Variants in NEDD4 observed in about 807,000 individuals in gnomAD.
NEDD4 encodes E3 ubiquitin-protein ligase NEDD4.
NEDD4 carries 99 observed loss-of-function variants against 144.9 expected under a neutral mutation model. That is an observed-to-expected ratio of 0.68 (90% CI 0.58 to 0.81). The LOEUF is 0.81. Ranked by LOEUF, NEDD4 falls within the 30% of genes least tolerant of loss-of-function variation. The pLI is 0.00. For missense variants in NEDD4, 985 were observed against 1,065.9 expected, an observed-to-expected ratio of 0.92 and a Z score of 1.06; for synonymous variants, 318 against 350.6, an observed-to-expected ratio of 0.91 and a Z score of 1.04.
chr15:55,961,548 GCAA>G (rs2037426759), intron 2 of NEDD4, among the ~76,000 whole-genome samples: 1 of 152,058 alleles, frequency 6.6e-6, no homozygotes, highest in Non-Finnish European at 1.5e-5. Flanking sequence ...TTGGCTCACT[GCAA>G]CCTCCGCCTC....
At chr15:55,993,207 C>G (rs2038015975) in intron 1 of NEDD4, among the ~76,000 whole-genome samples, 2 of 152,200 alleles carry the variant, frequency 1.3e-5, no homozygotes, top group African/African-American at 4.8e-5. Context: ...ATGTGGGTCC[C>G]CCGCCGACCG....
intron 5 of NEDD4, among the ~76,000 whole-genome samples, chr15:55,906,198 T>C (rs2142173796): frequency 6.6e-6 from 1 of 152,300 alleles, no homozygotes; most frequent in South Asian, 2.1e-4. Context: ...TCTAAACTAG[T>C]TCAACCATTG....
chr15:55,852,316 G>T, intron 13 of NEDD4, 108 bp downstream of exon 13: 3 of 1,120,136 alleles, frequency 2.7e-6, no homozygotes, highest in Non-Finnish European at 3.6e-6. Flanking sequence ...AAAAAAAAAA[G>T]AAGGTGGTAG....
At chr15:55,963,128 C>CTTTTTTTTTTTTTTTTTT (rs754905603) in intron 2 of NEDD4, among the ~76,000 whole-genome samples, 1 of 142,656 alleles carries the variant, frequency 7.0e-6, no homozygotes. Context: ...TTCTGGCACT[C>CTTTTTTTTTTTTTTTTTT]TTTTTTATTT....
At chr15:55,932,421 G>A (rs541557592) in intron 4 of NEDD4, among the ~76,000 whole-genome samples, 38 of 152,266 alleles carry the variant, frequency 2.5e-4, no homozygotes, top group Non-Finnish European at 5.0e-4. Context: ...AACGGGGAAA[G>A]GATTCCCTAT....
chr15:55,909,101 G>A (rs1212113339), intron 5 of NEDD4, among the ~76,000 whole-genome samples: 1 of 152,156 alleles, frequency 6.6e-6, no homozygotes, highest in African/African-American at 2.4e-5. Flanking sequence ...ATACCTCTAA[G>A]TCAAGAGAAG....
chr15:55,946,074 T>C (rs1269619161), intron 4 of NEDD4, among the ~76,000 whole-genome samples: 4 of 152,196 alleles, frequency 2.6e-5, no homozygotes, highest in South Asian at 2.1e-4. Flanking sequence ...AGATCATCGA[T>C]GCTATGAAGA....
intron 2 of NEDD4, among the ~76,000 whole-genome samples, chr15:55,954,672 G>A (rs1279638891): frequency 2.0e-5 from 3 of 151,896 alleles, no homozygotes; most frequent in African/African-American, 7.3e-5. Flanking sequence ...TTACAGGCAT[G>A]CATCACCACA....
intron 4 of NEDD4, among the ~76,000 whole-genome samples, chr15:55,950,240 T>C (rs770362073): frequency 2.6e-5 from 4 of 152,188 alleles, no homozygotes; most frequent in East Asian, 3.8e-4. Flanking sequence ...ATTTAAAAGG[T>C]TGTTTTTATG....
intron 1 of NEDD4, among the ~76,000 whole-genome samples, chr15:55,966,882 C>T (rs1293423156): frequency 1.3e-5 from 2 of 152,006 alleles, no homozygotes; most frequent in Admixed American, 1.3e-4. Context: ...AAGTTCATAA[C>T]CATTTGGCTT....
At chr15:55,887,125 T>A (rs1409018569) in intron 5 of NEDD4, among the ~76,000 whole-genome samples, 1 of 149,904 alleles carries the variant, frequency 6.7e-6, no homozygotes, top group African/African-American at 2.4e-5. Context: ...CCAAAATTAG[T>A]AGAATAAAAG....
chr15:55,911,226 T>C (rs1408195225), intron 5 of NEDD4, among the ~76,000 whole-genome samples: 1 of 152,132 alleles, frequency 6.6e-6, no homozygotes, highest in Non-Finnish European at 1.5e-5. Context: ...GAAAGGGGTG[T>C]TACTAGCATT....
intron 4 of NEDD4, among the ~76,000 whole-genome samples, chr15:55,927,851 G>A (rs1470450908): frequency 1.3e-5 from 2 of 152,250 alleles, no homozygotes; most frequent in Admixed American, 6.5e-5. Flanking sequence ...GGAGTAGGGA[G>A]GGAGACAGGG....
intron 2 of NEDD4, among the ~76,000 whole-genome samples, chr15:55,962,467 G>C (rs1595877735): frequency 6.6e-6 from 1 of 152,152 alleles, no homozygotes; most frequent in Non-Finnish European, 1.5e-5. Flanking sequence ...TTTTGAGATG[G>C]AGTTTCACTC....
intron 4 of NEDD4, among the ~76,000 whole-genome samples, chr15:55,944,401 A>C (rs2037069583): frequency 6.6e-6 from 1 of 152,144 alleles, no homozygotes; most frequent in Admixed American, 6.5e-5. Context: ...CAGCAGTCTG[A>C]GATCGACCTG....
intron 1 of NEDD4, among the ~76,000 whole-genome samples, chr15:55,972,497 T>C (rs1247086913): frequency 1.3e-5 from 2 of 152,170 alleles, no homozygotes; most frequent in African/African-American, 4.8e-5. Context: ...GCAACCCTCA[T>C]GTAACATCAA....
chr15:55,850,717 G>C lies in NEDD4; in HGVS notation c.1172C>G (p.Thr391Ser), dbSNP rs2033951481. The change falls in exon 14 of 29, where the codon ACC becomes AGC. Residue 391 changes from threonine to serine, a missense_variant. Coordinates refer to ENST00000435532, the MANE Select transcript of NEDD4 (RefSeq NM_006154.4). ...AGGGCCTGCAGAACTCTGGCTTGAG[G>C]TCAGCTGACTGGTCTCCACTGTGGC... is the stretch of plus-strand genomic sequence containing the variant. Reference protein sequence around the residue: ...VQATVETSQLTSSQSSAGPQS... With the variant: ...VQATVETSQLSSSQSSAGPQS... 6.2e-7 allele frequency: 1 copy of C among 1,613,824 alleles called. No homozygotes were observed. The highest frequency in any genetic ancestry group is 8.5e-7 in the Non-Finnish European group (1 of 1,180,020).
intron 4 of NEDD4, among the ~76,000 whole-genome samples, chr15:55,926,378 GT>G (rs1413382113): frequency 2.0e-5 from 3 of 152,286 alleles, no homozygotes; most frequent in Non-Finnish European, 4.4e-5. Context: ...CTGAAATGTT[GT>G]TAGGATAGCT....
intron 18 of NEDD4, 39 bp downstream of exon 18, chr15:55,846,930 A>G: frequency 8.0e-7 from 1 of 1,243,364 alleles, no homozygotes; most frequent in East Asian, 2.3e-5. Flanking sequence ...CCATCTATAT[A>G]TTGATGACTC....
Sources: gnomAD v4.1 joint callset for allele counts (sites outside exome capture counted in the v4.1 genomes callset) on GRCh38, gnomAD v4.1.1 for gene constraint, MANE v1.5 for transcripts, NCBI Gene and HGNC (gene_info 2026-07-23, HGNC 2026-07-21) for gene names.